SHISA7: variants seen among roughly 807,000 people sequenced by gnomAD.
SHISA7 encodes protein shisa-7.
Under a neutral mutation model 23.9 loss-of-function variants are expected in SHISA7, and 6 were observed. The ratio of observed to expected loss-of-function variants is 0.25; its 90% CI spans 0.14 to 0.50. The LOEUF (loss-of-function observed/expected upper bound fraction) is 0.50. SHISA7 is among the 20% of genes least tolerant of loss of function. SHISA7 has a pLI of 0.98. For synonymous variants in SHISA7, 386 were observed against 398.3 expected, an observed-to-expected ratio of 0.97 and a Z score of 0.37; for missense variants, 671 against 801.1, an observed-to-expected ratio of 0.84 and a Z score of 1.96.
chr19:55,434,300 GGT>G lies in SHISA7; in HGVS notation c.977-506_977-505del, dbSNP rs1251438270. ...TGTGGTGGGTGTGTGGTGTATATGT[GGT>G]GTGTGTGTGGTGTGTGTGTGTGGTG... On this transcript the variant is annotated intron_variant, in intron 3 of 3. Coordinates refer to ENST00000376325, the MANE Select transcript of SHISA7 (RefSeq NM_001145176.2). 1.9e-3 allele frequency among the ~76,000 whole-genome samples: 219 copies of G among 116,500 alleles called. 1 individual carries two copies. The highest frequency in any genetic ancestry group is 2.4e-3 in the Non-Finnish European group (136 of 56,952). 76.4% of individuals were successfully genotyped at this position (116,500 alleles called of 152,430 possible).
At position 55,442,208 on chromosome 19, in the gene SHISA7, T is replaced by TCCCGGTGCG; in HGVS notation, c.647_655dup (p.Ala216_Arg218dup). 1 of 1,533,112 alleles carries TCCCGGTGCG rather than the reference T, an allele frequency of 6.5e-7. No homozygotes were observed. Among genetic ancestry groups the TCCCGGTGCG allele is most frequent in the Non-Finnish European group, 8.7e-7 (1 of 1,145,286 alleles). The allele number at this position is 1,533,112 out of a possible 1,614,324, so 95.0% of individuals were successfully genotyped here. A position where few individuals can be genotyped will look rare whatever the true frequency, so the allele number is the denominator to read the frequency against. On this transcript the variant is annotated inframe_insertion, in exon 1 of 4. Coordinates refer to ENST00000376325, the MANE Select transcript of SHISA7 (RefSeq NM_001145176.2). ...GCACACGCACCTGGGCACGTTGATATCCCGGTGCGCCCGGGGCGCACGGGA... is the reference window on the plus strand; with the variant it reads ...GCACACGCACCTGGGCACGTTGATATCCCGGTGCGCCCGGTGCGCCCGGGGCGCACGGGA...
Position 55,433,731 on chromosome 19 carries a change from G to A in SHISA7, c.1042C>T (p.Pro348Ser). Reference sequence around the variant, plus strand: ...CCCGGCCGCCGCAGCGCGTGCAGGGGCAGCGTGCCGCGGGGCAATTCCAGG... The same window carrying A: ...CCCGGCCGCCGCAGCGCGTGCAGGGACAGCGTGCCGCGGGGCAATTCCAGG... ...RPLELPRGTL[P>S]LHALRRPGTG... Residue 348 changes from proline to serine, a missense_variant, in exon 4 of 4, where the codon CCC becomes TCC. Pro to Ser is a moderately conservative substitution (Grantham distance 74). This residue lies in a region of SHISA7 where 457 missense variants were observed against 488.3 expected (regional missense o/e 0.94). Coordinates refer to ENST00000376325, the MANE Select transcript of SHISA7 (RefSeq NM_001145176.2). The surrounding 1 kb of genome is among the most constrained non-coding windows in gnomAD (Gnocchi z 8.4). 1 of 1,467,840 alleles carries A rather than the reference G, an allele frequency of 6.8e-7. No homozygotes were observed. The highest frequency in any genetic ancestry group is 1.3e-5 in the South Asian group (1 of 76,336). 90.9% of individuals were successfully genotyped at this position (1,467,840 alleles called of 1,614,324 possible). A position where few individuals can be genotyped will look rare whatever the true frequency, so the allele number is the denominator to read the frequency against.
rs962831301 is a variant in SHISA7, at chr19:55,429,919, C to T, written c.*3237G>A. The T allele has an allele frequency of 3.3e-5, 5 of 152,354 alleles. No homozygotes were observed. The highest frequency in any genetic ancestry group is 1.2e-4 in the African/African-American group (5 of 41,544). The allele number at this position is 152,354 out of a possible 1,614,324, so 9.4% of individuals were successfully genotyped here. A position where few individuals can be genotyped will look rare whatever the true frequency, so the allele number is the denominator to read the frequency against. On this transcript the variant is annotated 3_prime_UTR_variant, in exon 4 of 4. Transcript: ENST00000376325. ...CAGCACTGAAGGCCCCAGTCGGTCA[C>T]CAGCTTTGACCTATCCCGCGGGGGT...
At position 55,442,789 on chromosome 19, in the gene SHISA7, C is replaced by T. The variant is rs1276923317; in HGVS notation, c.75G>A (p.Thr25=). ...GCAGCGGGCCCGCGGGCTCGGCGCT[C>T]GTGGCGTTGGACGGGCGCGCCCTGG... ...GQARARPSNA[T]SAEPAGPLPA... The change falls in exon 1 of 4, where the codon ACG becomes ACA. Residue 25 remains threonine (T), a synonymous_variant. Transcript: ENST00000376325. 7.8e-6 allele frequency: 10 copies of T among 1,279,306 alleles called. No individual in the cohort carries two copies. The highest frequency in any genetic ancestry group is 9.9e-6 in the Non-Finnish European group (10 of 1,013,876). The allele number at this position is 1,279,306 out of a possible 1,614,324, so 79.2% of individuals were successfully genotyped here. A position where few individuals can be genotyped will look rare whatever the true frequency, so the allele number is the denominator to read the frequency against.
rs1985255374 is a variant in SHISA7, at chr19:55,433,273, T to A, written c.1500A>T (p.Thr500=). 4.0e-6 allele frequency: 6 copies of A among 1,514,364 alleles called. No individual in the cohort carries two copies. Among genetic ancestry groups the A allele is most frequent in the Non-Finnish European group, 5.3e-6 (6 of 1,138,016 alleles). 93.8% of individuals were successfully genotyped at this position (1,514,364 alleles called of 1,614,324 possible). Residue 500 remains threonine (T), a synonymous_variant, in exon 4 of 4, where the codon ACA becomes ACT. Transcript: ENST00000376325. This position sits in a 1 kb window ranked among gnomAD's most constrained non-coding sequence, Gnocchi z 8.4. The part of the protein sequence containing the change: ...WMSDAGGGGG[T]LARRPPFQRQ... Reference sequence around the variant, plus strand: ...GCTGGAAGGGCGGCCTGCGGGCCAGTGTGCCCCCGCCCCCGCCGGCGTCGG... The same window carrying A: ...GCTGGAAGGGCGGCCTGCGGGCCAGAGTGCCCCCGCCCCCGCCGGCGTCGG...
rs1482361938 is a variant in SHISA7 at position 55,442,881 on chromosome 19, G to T, written c.-18C>A. On this transcript the variant is annotated 5_prime_UTR_variant, in exon 1 of 4. Transcript: ENST00000376325. ...GCCGGCATGGGGCTTGCAGGGGGTC[G>T]CACTGGGCCGCCAGGCTGCGGGGAG... 2 of 1,323,970 alleles carry T rather than the reference G, an allele frequency of 1.5e-6. No homozygotes were observed. The highest frequency in any genetic ancestry group is 1.9e-5 in the South Asian group (1 of 53,558). 82.0% of individuals were successfully genotyped at this position (1,323,970 alleles called of 1,614,324 possible). A position where few individuals can be genotyped will look rare whatever the true frequency, so the allele number is the denominator to read the frequency against.
chr19:55,433,754 AG>A lies in SHISA7; in HGVS notation c.1018del (p.Leu340TrpfsTer197). On this transcript the variant is annotated frameshift_variant, in exon 4 of 4. Coordinates refer to ENST00000376325, the MANE Select transcript of SHISA7 (RefSeq NM_001145176.2). LOFTEE classifies it low-confidence loss of function (END_TRUNC). This position sits in a 1 kb window ranked among gnomAD's most constrained non-coding sequence, Gnocchi z 8.4. ...LDEAYLKRRP[L>X]ELPRGTLPLH... ...GGGCAGCGTGCCGCGGGGCAATTCCAGGGGCCGGCGCTTCAGGTAGGCCTCG... is the reference window on the plus strand; with the variant it reads ...GGGCAGCGTGCCGCGGGGCAATTCCAGGGCCGGCGCTTCAGGTAGGCCTCG... 6.9e-7 allele frequency: 1 copy of A among 1,452,696 alleles called. No homozygotes were observed. The allele number at this position is 1,452,696 out of a possible 1,614,324, so 90.0% of individuals were successfully genotyped here. A position where few individuals can be genotyped will look rare whatever the true frequency, so the allele number is the denominator to read the frequency against.
intron 3 of SHISA7, among the ~76,000 whole-genome samples, chr19:55,436,432 G>T (rs974163387): frequency 2.0e-5 from 3 of 151,480 alleles, no homozygotes; most frequent in African/African-American, 4.9e-5. Context: ...GTGAAACCCC[G>T]TCTCTACTAA....
chr19:55,442,700 C>A lies in SHISA7; in HGVS notation c.164G>T (p.Ser55Ile). Residue 55 changes from serine to isoleucine, a missense_variant, in exon 1 of 4, where the codon AGC (serine) becomes ATC (isoleucine). Ser to Ile is a moderately radical substitution (Grantham distance 142, BLOSUM62 -2). This residue lies in a region of SHISA7 where 96 missense variants were observed against 113.1 expected (regional missense o/e 0.85). Coordinates refer to ENST00000376325, the MANE Select transcript of SHISA7 (RefSeq NM_001145176.2). ...GALTGGGGAA[S>I]PGANGTRTGP... Reference sequence around the variant, plus strand: ...GGTCCTGGTGCCGTTGGCGCCTGGGCTCGCCGCGCCCCCGCCGCCCGTCAG... The same window carrying A: ...GGTCCTGGTGCCGTTGGCGCCTGGGATCGCCGCGCCCCCGCCGCCCGTCAG... The A allele has an allele frequency of 9.8e-7, 1 of 1,023,500 alleles. No homozygotes were observed. The highest frequency in any genetic ancestry group is 1.2e-6 in the Non-Finnish European group (1 of 857,136). The allele number at this position is 1,023,500 out of a possible 1,614,324, so 63.4% of individuals were successfully genotyped here.
Position 55,432,748 on chromosome 19 carries a change from C to T in SHISA7, c.*408G>A, listed in dbSNP as rs886071500. The T allele has an allele frequency of 1.2e-5, 2 of 163,354 alleles. No individual in the cohort carries two copies. Among genetic ancestry groups the T allele is most frequent in the Non-Finnish European group, 2.6e-5 (2 of 75,484 alleles). The allele number at this position is 163,354 out of a possible 1,614,324, so 10.1% of individuals were successfully genotyped here. A position where few individuals can be genotyped will look rare whatever the true frequency, so the allele number is the denominator to read the frequency against. On this transcript the variant is annotated 3_prime_UTR_variant, in exon 4 of 4. Transcript: ENST00000376325. This position sits in a 1 kb window ranked among gnomAD's most constrained non-coding sequence, Gnocchi z 4.6. ...GAAGGAATGTCATGGAACAAGGCGT[C>T]GTCTCTGTTATTATACCACAAGAAG...
At chr19:55,441,495 G>A (rs947485429) in intron 1 of SHISA7, among the ~76,000 whole-genome samples, 1 of 152,218 alleles carries the variant, frequency 6.6e-6, no homozygotes, top group Non-Finnish European at 1.5e-5. Context: ...GAGGGCCTTT[G>A]CACGCGGTTC....
At chr19:55,439,207 G>A (rs1040819812) in intron 2 of SHISA7, among the ~76,000 whole-genome samples, 17 of 152,152 alleles carry the variant, frequency 1.1e-4, no homozygotes, top group Admixed American at 7.2e-4. Flanking sequence ...CCCTCAAGCC[G>A]CACTGCTCTC....
In SHISA7 at chr19:55,432,817, G is replaced by A. The variant is rs1172195165; in HGVS notation, c.*339C>T. The A allele has an allele frequency of 7.5e-6, 2 of 267,014 alleles. No individual in the cohort carries two copies. The highest frequency in any genetic ancestry group is 5.6e-5 in the Admixed American group (1 of 17,958). The allele number at this position is 267,014 out of a possible 1,614,324, so 16.5% of individuals were successfully genotyped here. A position where few individuals can be genotyped will look rare whatever the true frequency, so the allele number is the denominator to read the frequency against. ...ATAGAACATGGACATGGCCTCCAGC[G>A]CTGACCTCACGGGCCGGCCTCTTCC... On this transcript the variant is annotated 3_prime_UTR_variant, in exon 4 of 4. Coordinates refer to ENST00000376325, the MANE Select transcript of SHISA7 (RefSeq NM_001145176.2). The surrounding 1 kb of genome is among the most constrained non-coding windows in gnomAD (Gnocchi z 4.6).
Position 55,433,022 on chromosome 19 carries a change from CAGA to C in SHISA7, c.*131_*133del. Reference sequence around the variant, plus strand: ...AGGAATCTTGTCTGCCAGGACATCCCAGAAGGAGGCTTTCACTCCTGTCCAAGG... The same window carrying C: ...AGGAATCTTGTCTGCCAGGACATCCCAGGAGGCTTTCACTCCTGTCCAAGG... On this transcript the variant is annotated 3_prime_UTR_variant, in exon 4 of 4. Coordinates refer to ENST00000376325, the MANE Select transcript of SHISA7 (RefSeq NM_001145176.2). The surrounding 1 kb of genome is among the most constrained non-coding windows in gnomAD (Gnocchi z 8.4). The C allele has an allele frequency of 9.0e-7, 1 of 1,109,706 alleles. No homozygotes were observed. The highest frequency in any genetic ancestry group is 1.2e-6 in the Non-Finnish European group (1 of 828,854). The allele number at this position is 1,109,706 out of a possible 1,614,324, so 68.7% of individuals were successfully genotyped here. A position where few individuals can be genotyped will look rare whatever the true frequency, so the allele number is the denominator to read the frequency against.
Position 55,431,157 on chromosome 19 carries a change from G to A in SHISA7, c.*1999C>T, listed in dbSNP as rs1724242405. The A allele has an allele frequency of 6.6e-6, 1 of 152,368 alleles. No individual in the cohort carries two copies. Among genetic ancestry groups the A allele is most frequent in the Admixed American group, 6.5e-5 (1 of 15,296 alleles). 9.4% of individuals were successfully genotyped at this position (152,368 alleles called of 1,614,324 possible). A position where few individuals can be genotyped will look rare whatever the true frequency, so the allele number is the denominator to read the frequency against. On this transcript the variant is annotated 3_prime_UTR_variant, in exon 4 of 4. Coordinates refer to ENST00000376325, the MANE Select transcript of SHISA7 (RefSeq NM_001145176.2). Reference sequence around the variant, plus strand: ...TGGCACATGTTTGAATGAAATCCTGGGAGGTGGTGGCACATGGTTGAAGTG... The same window carrying A: ...TGGCACATGTTTGAATGAAATCCTGAGAGGTGGTGGCACATGGTTGAAGTG...
chr19:55,431,628 A>G lies in SHISA7; in HGVS notation c.*1528T>C, dbSNP rs978888045. 6.6e-6 allele frequency: 1 copy of G among 152,228 alleles called. No homozygotes were observed. Among genetic ancestry groups the G allele is most frequent in the African/African-American group, 2.4e-5 (1 of 41,404 alleles). 9.4% of individuals were successfully genotyped at this position (152,228 alleles called of 1,614,324 possible). On this transcript the variant is annotated 3_prime_UTR_variant, in exon 4 of 4. Coordinates refer to ENST00000376325, the MANE Select transcript of SHISA7 (RefSeq NM_001145176.2). ...ACTTGACCCCGGGTGTGGTGCCATC[A>G]TGAGTGGCGGGTGTTGTGTGATGCT...
chr19:55,442,842 C>T lies in SHISA7; in HGVS notation c.22G>A (p.Val8Ile). 7.2e-7 allele frequency: 1 copy of T among 1,391,548 alleles called. No individual in the cohort carries two copies. Among genetic ancestry groups the T allele is most frequent in the Non-Finnish European group, 9.3e-7 (1 of 1,074,640 alleles). 86.2% of individuals were successfully genotyped at this position (1,391,548 alleles called of 1,614,324 possible). A position where few individuals can be genotyped will look rare whatever the true frequency, so the allele number is the denominator to read the frequency against. ...TGGCCGGCGCTAGAGGCCAGGAGTA[C>T]GAGGAGCAGGAGGGCCGGCATGGGG... MPALLLL[V>I]LLASSAGQAR... Residue 8 changes from valine to isoleucine, a missense_variant, in exon 1 of 4, where the codon GTA becomes ATA. Val to Ile is a conservative substitution (Grantham distance 29, BLOSUM62 3). Coordinates refer to ENST00000376325, the MANE Select transcript of SHISA7 (RefSeq NM_001145176.2).
Position 55,433,525 on chromosome 19 carries a change from G to A in SHISA7, c.1248C>T (p.Ser416=). 1 of 1,484,718 alleles carries A rather than the reference G, an allele frequency of 6.7e-7. No individual in the cohort carries two copies. The highest frequency in any genetic ancestry group is 2.3e-5 in the Admixed American group (1 of 43,518). The allele number at this position is 1,484,718 out of a possible 1,614,324, so 92.0% of individuals were successfully genotyped here. ...GACTCTGGCGCAGGGCCTCGGGCGA[G>A]GACAGCAGCAGGTGCTCCTGCGACA... is the stretch of plus-strand genomic sequence containing the variant. ...RLVSQEHLLL[S]SPEALRQSRE... The change falls in exon 4 of 4, where the codon TCC becomes TCT. Residue 416 remains serine (S), a synonymous_variant. Transcript: ENST00000376325. This position sits in a 1 kb window ranked among gnomAD's most constrained non-coding sequence, Gnocchi z 8.4.
At chr19:55,435,170 G>GGT (rs200171184) in intron 3 of SHISA7, among the ~76,000 whole-genome samples, 1 of 47,838 alleles carries the variant, frequency 2.1e-5, no homozygotes, top group Admixed American at 2.4e-4. Flanking sequence ...GTGTGTGTAT[G>GGT]GTGTGTGTGG....
Sources: gnomAD v4.1 joint callset for allele counts (sites outside exome capture counted in the v4.1 genomes callset) on GRCh38, gnomAD v4.1.1 for gene constraint, gnomAD v4.1.1 regional missense constraint, Gnocchi (gnomAD v3.1) non-coding constraint, MANE v1.5 for transcripts, NCBI Gene and HGNC (gene_info 2026-07-23, HGNC 2026-07-21) for gene names.